The following CCM2 variants were observed in gnomAD, a reference collection of about 807,000 sequenced individuals.
CCM2 encodes cerebral cavernous malformations 2 protein.
A neutral mutation model predicts 44.9 loss-of-function variants in CCM2; 25 were observed. That is an observed-to-expected ratio of 0.56 (90% confidence interval 0.41 to 0.78). CCM2 has a LOEUF of 0.78. Among genes scored for constraint, CCM2 ranks in the 30% least tolerant of loss-of-function variants. The pLI, the probability that CCM2 is intolerant of heterozygous loss-of-function variation, is 0.00. For synonymous variants in CCM2, 219 were observed against 241.1 expected, an observed-to-expected ratio of 0.91 and a Z score of 0.85; for missense variants, 481 against 580.6, an observed-to-expected ratio of 0.83 and a Z score of 1.76.
At chr7:45,007,793 G>A (rs1330143169) in intron 1 of CCM2, among the ~76,000 whole-genome samples, 1 of 151,842 alleles carries the variant, frequency 6.6e-6, no homozygotes, top group African/African-American at 2.4e-5. Context: ...AACCCGTGGT[G>A]TCACTGTTCT....
At chr7:45,043,296 G>A (rs1797599162) in intron 2 of CCM2, among the ~76,000 whole-genome samples, 2 of 152,122 alleles carry the variant, frequency 1.3e-5, no homozygotes, top group African/African-American at 4.8e-5. Context: ...TGTAAGGGCA[G>A]TATTGCCCTG....
At chr7:45,015,960 CT>C (rs1454984720) in intron 1 of CCM2, among the ~76,000 whole-genome samples, 1 of 152,216 alleles carries the variant, frequency 6.6e-6, no homozygotes. Context: ...GAAAATTTAT[CT>C]TTTCTGTTTA....
chr7:45,072,016 ATC>A (rs1257410158), intron 6 of CCM2: 3 of 372,160 alleles, frequency 8.1e-6, no homozygotes, highest in Non-Finnish European at 1.1e-5. Context: ...TGTCCCTTTT[ATC>A]TCTCAGCCTC....
At chr7:45,074,994 T>C (rs1456635120) in intron 9 of CCM2, among the ~76,000 whole-genome samples, 3 of 152,222 alleles carry the variant, frequency 2.0e-5, no homozygotes, top group African/African-American at 7.2e-5. Context: ...TAGTAGCCAG[T>C]TGAAGGCTTC....
At chr7:45,073,172 C>T (rs1799165247) in intron 7 of CCM2, 1 of 577,174 alleles carries the variant, frequency 1.7e-6, no homozygotes. Flanking sequence ...CCTCCCCAAC[C>T]CTGGCTCCTT....
At chr7:45,028,055 C>T (rs1310051276) in intron 1 of CCM2, among the ~76,000 whole-genome samples, 1 of 152,186 alleles carries the variant, frequency 6.6e-6, no homozygotes, top group Non-Finnish European at 1.5e-5. Context: ...TTGGATTCAT[C>T]CATCTTGACT....
chr7:45,039,266 G>A (rs577596082), intron 2 of CCM2, among the ~76,000 whole-genome samples: 36 of 152,338 alleles, frequency 2.4e-4, no homozygotes, highest in African/African-American at 8.4e-4. Flanking sequence ...AGATAAGGAA[G>A]TCAAGTCAAA....
intron 1 of CCM2, among the ~76,000 whole-genome samples, chr7:45,028,661 A>C (rs1484012739): frequency 1.3e-5 from 2 of 152,080 alleles, no homozygotes; most frequent in Non-Finnish European, 2.9e-5. Flanking sequence ...CGGCTCAAAA[A>C]AAAAGAAAAG....
intron 1 of CCM2, among the ~76,000 whole-genome samples, chr7:45,008,382 T>C (rs1446083692): frequency 1.9e-5 from 2 of 103,572 alleles, no homozygotes; most frequent in African/African-American, 7.0e-5. Context: ...TTTTTTTTTT[T>C]TGAGACAGTT....
At chr7:45,015,764 A>G (rs1027003774) in intron 1 of CCM2, among the ~76,000 whole-genome samples, 1 of 152,148 alleles carries the variant, frequency 6.6e-6, no homozygotes, top group African/African-American at 2.4e-5. Flanking sequence ...GTGAGAAGAC[A>G]CAGGATAAAA....
chr7:45,064,415 C>G (rs368101528), intron 3 of CCM2, 48 bp from the exon 4 acceptor site: 1 of 1,588,618 alleles, frequency 6.3e-7, no homozygotes, highest in Non-Finnish European at 8.6e-7. Flanking sequence ...CGCCCCATGC[C>G]GGTTGACAGC....
intron 6 of CCM2, chr7:45,071,717 C>A (rs1329561203): frequency 4.4e-6 from 2 of 455,930 alleles, no homozygotes; most frequent in Admixed American, 4.7e-5. Flanking sequence ...CGGCTGCATG[C>A]CTTGGCTCAT....
At chr7:45,066,333 G>A (rs1434789501) in intron 4 of CCM2, among the ~76,000 whole-genome samples, 1 of 152,090 alleles carries the variant, frequency 6.6e-6, no homozygotes, top group Non-Finnish European at 1.5e-5. Flanking sequence ...TTTTTGTAAG[G>A]ATGAAGTCTC....
At chr7:45,044,243 C>T (rs1368380648) in intron 2 of CCM2, among the ~76,000 whole-genome samples, 1 of 152,250 alleles carries the variant, frequency 6.6e-6, no homozygotes, top group Non-Finnish European at 1.5e-5. Context: ...ACGCTGTTCT[C>T]CTGCTTCAGC....
chr7:45,060,048 C>G (rs1185970792), intron 2 of CCM2, among the ~76,000 whole-genome samples: 1 of 152,202 alleles, frequency 6.6e-6, no homozygotes, highest in Non-Finnish European at 1.5e-5. Context: ...TTTATTTCTT[C>G]TCTGATGCTT....
intron 1 of CCM2, among the ~76,000 whole-genome samples, chr7:45,033,162 T>C (rs1797049665): frequency 6.6e-6 from 1 of 150,656 alleles, no homozygotes; most frequent in South Asian, 2.1e-4. Context: ...CAGATGGCCG[T>C]CCTGGTTTCC....
At chr7:45,068,058 C>T (rs140437609) in intron 4 of CCM2, 184 of 351,512 alleles carry the variant, frequency 5.2e-4, no homozygotes, top group African/African-American at 3.7e-3. Context: ...GCAACTCACA[C>T]GCCCTCAGGC....
chr7:45,001,311 T>C (rs979020890), intron 1 of CCM2, among the ~76,000 whole-genome samples: 5 of 152,218 alleles, frequency 3.3e-5, no homozygotes, highest in African/African-American at 1.2e-4. Flanking sequence ...TCTCAACTCA[T>C]TGTTTCATGT....
chr7:45,036,124 G>A (rs1210094416), intron 1 of CCM2, among the ~76,000 whole-genome samples: 1 of 152,128 alleles, frequency 6.6e-6, no homozygotes. Context: ...TATCTTTACT[G>A]GTAGAAGAAA....
Sources: gnomAD v4.1 joint callset for allele counts (sites outside exome capture counted in the v4.1 genomes callset) on GRCh38, gnomAD v4.1.1 for gene constraint, MANE v1.5 for transcripts, NCBI Gene and HGNC (gene_info 2026-07-23, HGNC 2026-07-21) for gene names.